The following DMD variants were observed in gnomAD, a reference collection of about 807,000 sequenced individuals.
The protein encoded by DMD is mutant dystrophin.
In DMD, 63 loss-of-function variants were observed where a neutral mutation model predicts 330.1. The ratio of observed to expected loss-of-function variants is 0.19; its 90% CI spans 0.16 to 0.24. The LOEUF (loss-of-function observed/expected upper bound fraction) is 0.24, where lower values mean the gene tolerates loss of function less well. Ranked by LOEUF, DMD falls within the 10% of genes least tolerant of loss-of-function variation. DMD has a pLI of 1.00. For missense variants in DMD, 3,344 were observed against 2,684.1 expected (o/e 1.25, Z -5.43); for synonymous variants, 1,223 against 959.8 (o/e 1.27, Z -5.07).
At chrX:31,685,742 G>A (rs764172020) in intron 52 of DMD, among the ~76,000 whole-genome samples, 3 of 112,091 alleles carry the variant, frequency 2.7e-5, no homozygotes, top group Non-Finnish European at 5.6e-5. Context: ...TGCTAGGTGC[G>A]CTGGCCAGAA....
At chrX:31,961,389 T>C (rs927821435) in intron 45 of DMD, among the ~76,000 whole-genome samples, 4 of 111,873 alleles carry the variant, frequency 3.6e-5, no homozygotes, top group African/African-American at 6.5e-5. Flanking sequence ...TGAATAAAAT[T>C]CTTACGATTT....
At chrX:32,943,654 G>T (rs187510860) in intron 2 of DMD, among the ~76,000 whole-genome samples, 44 of 111,388 alleles carry the variant, frequency 4.0e-4, no homozygotes, top group Non-Finnish European at 6.4e-4. Context: ...GCACATAGAT[G>T]TAAGCATTTC....
intron 77 of DMD, among the ~76,000 whole-genome samples, chrX:31,131,147 G>A (rs1344382794): frequency 4.5e-5 from 5 of 111,582 alleles, no homozygotes; most frequent in Non-Finnish European, 9.4e-5. Flanking sequence ...CATTAGCAAC[G>A]TCTTGGCAGA....
intron 1 of DMD, among the ~76,000 whole-genome samples, chrX:33,083,031 C>A (rs2094953458): frequency 1.8e-5 from 2 of 111,249 alleles, no homozygotes; most frequent in African/African-American, 6.6e-5. Context: ...TACTATTTAA[C>A]AATGCAGAGA....
At chrX:33,006,927 T>C (rs2093408710) in intron 2 of DMD, among the ~76,000 whole-genome samples, 1 of 110,468 alleles carries the variant, frequency 9.1e-6, no homozygotes, top group South Asian at 3.8e-4. Flanking sequence ...TTTTCTCCAC[T>C]CTCTCAATCT....
chrX:31,325,845 A>T (rs1249039343), intron 61 of DMD, among the ~76,000 whole-genome samples: 1 of 111,540 alleles, frequency 9.0e-6, no homozygotes, highest in African/African-American at 3.3e-5. Context: ...ACTGGCTGTG[A>T]ATGCCAAGCC....
At chrX:31,511,806 G>A (rs1279091776) in intron 55 of DMD, among the ~76,000 whole-genome samples, 3 of 103,466 alleles carry the variant, frequency 2.9e-5, no homozygotes, top group Non-Finnish European at 5.9e-5. Context: ...GTGTGCATGT[G>A]TCTTTATAGC....
intron 60 of DMD, among the ~76,000 whole-genome samples, chrX:31,420,201 T>A (rs747103212): frequency 8.9e-6 from 1 of 112,682 alleles, no homozygotes; most frequent in Non-Finnish European, 1.9e-5. Flanking sequence ...AATACATTTA[T>A]TTTGGAAAAT....
At chrX:32,648,577 G>A (rs1028422125) in intron 9 of DMD, among the ~76,000 whole-genome samples, 1 of 111,538 alleles carries the variant, frequency 9.0e-6, no homozygotes, top group African/African-American at 3.3e-5. Flanking sequence ...ATGTTCTAAG[G>A]TGAGATTAAA....
intron 54 of DMD, among the ~76,000 whole-genome samples, chrX:31,651,187 C>T (rs952900880): frequency 9.0e-6 from 1 of 111,663 alleles, no homozygotes; most frequent in Non-Finnish European, 1.9e-5. Flanking sequence ...ACTGAAAACA[C>T]AGAAAATTTA....
At chrX:32,835,486 G>T (rs184983896) in intron 4 of DMD, among the ~76,000 whole-genome samples, 12 of 112,626 alleles carry the variant, frequency 1.1e-4, no homozygotes, top group African/African-American at 3.9e-4. Context: ...CCGCAATAAA[G>T]TTATCACTGC....
At chrX:33,328,186 G>GT (rs889491589) in intron 1 of DMD, among the ~76,000 whole-genome samples, 3 of 110,529 alleles carry the variant, frequency 2.7e-5, no homozygotes, top group Non-Finnish European at 5.7e-5. Context: ...GAACATATAG[G>GT]TTTTTTTTGT....
chrX:31,521,838 G>T (rs1416518376), intron 55 of DMD, among the ~76,000 whole-genome samples: 2 of 111,587 alleles, frequency 1.8e-5, no homozygotes. Context: ...AAACCTTTCT[G>T]CCTGGTTTTG....
intron 60 of DMD, among the ~76,000 whole-genome samples, chrX:31,374,007 C>T (rs770514685): frequency 0.041 from 4,348 of 105,329 alleles, 296 homozygotes; most frequent in African/African-American, 0.15. Context: ...AAAAAGTGGG[C>T]GAAGGACATG....
chrX:32,853,696 A>G (rs1475615071), intron 2 of DMD, among the ~76,000 whole-genome samples: 1 of 106,653 alleles, frequency 9.4e-6, no homozygotes, highest in Admixed American at 1.0e-4. Context: ...AGAAAACAAA[A>G]TGGTAGGAAT....
intron 67 of DMD, among the ~76,000 whole-genome samples, chrX:31,194,090 G>A (rs2042652308): frequency 9.0e-6 from 1 of 110,993 alleles, no homozygotes; most frequent in Non-Finnish European, 1.9e-5. Flanking sequence ...CTGAGGTGGA[G>A]AGTCACATGA....
In DMD at chrX:31,182,712, G is replaced by T. The variant is rs1569427093; in HGVS notation, c.9974+26C>A. On this transcript the variant is annotated intron_variant, in intron 68 of 78. Coordinates refer to ENST00000357033, the MANE Select transcript of DMD (RefSeq NM_004006.3). ...AGGTGAAAAATGATGAGAAAAAAAT[G>T]ACATTTTTTTTTTGGTTCCTAATAC... 8 of 1,132,450 alleles carry T rather than the reference G, an allele frequency of 7.1e-6. No individual in the cohort carries two copies. The South Asian group carries it at 7.3e-5, about 10-fold the overall frequency. The allele number at this position is 1,132,450 out of a possible 1,213,427, so 93.3% of individuals were successfully genotyped here.
chrX:32,647,668 C>A (rs2059867859), intron 9 of DMD, among the ~76,000 whole-genome samples: 1 of 111,990 alleles, frequency 8.9e-6, no homozygotes, highest in Admixed American at 9.5e-5. Context: ...AACAATAATA[C>A]TTCCATAATA....
At chrX:32,677,204 T>A (rs910898017) in intron 9 of DMD, among the ~76,000 whole-genome samples, 1 of 111,363 alleles carries the variant, frequency 9.0e-6, no homozygotes, top group Admixed American at 9.6e-5. Flanking sequence ...AAATAATTTA[T>A]TTTTTCAAAA....
Sources: gnomAD v4.1 joint callset for allele counts (sites outside exome capture counted in the v4.1 genomes callset) on GRCh38, gnomAD v4.1.1 for gene constraint, MANE v1.5 for transcripts, NCBI Gene and HGNC (gene_info 2026-07-23, HGNC 2026-07-21) for gene names.